Variants in CNTNAP2 observed in about 807,000 individuals in gnomAD.
CNTNAP2 encodes the protein contactin associated protein 2, also known as contactin-associated protein-like 2.
A neutral mutation model predicts 155.2 loss-of-function variants in CNTNAP2; 98 were observed. That is an observed-to-expected ratio of 0.63 (90% CI 0.54 to 0.75). CNTNAP2 has a LOEUF of 0.75. CNTNAP2 is among the 30% of genes least tolerant of loss of function. CNTNAP2 has a pLI of 0.00. For synonymous variants in CNTNAP2, 651 were observed against 631.2 expected (o/e 1.03, Z -0.47); for missense variants, 1,727 against 1,688.1 (o/e 1.02, Z -0.40).
At chr7:147,163,918 T>C (rs867755796) in intron 8 of CNTNAP2, among the ~76,000 whole-genome samples, 10 of 152,176 alleles carry the variant, frequency 6.6e-5, no homozygotes, top group South Asian at 2.1e-4. Flanking sequence ...AAAAATGAGA[T>C]TCATTCGAAA....
intron 1 of CNTNAP2, among the ~76,000 whole-genome samples, chr7:146,402,592 A>T (rs7790657): frequency 0.33 from 50,064 of 152,022 alleles, 8,492 homozygotes; most frequent in Admixed American, 0.45. Flanking sequence ...AATAATTATA[A>T]CACAAAGTGA....
chr7:147,133,269 T>C (rs1801412284), intron 8 of CNTNAP2, among the ~76,000 whole-genome samples: 1 of 152,118 alleles, frequency 6.6e-6, no homozygotes, highest in Non-Finnish European at 1.5e-5. Flanking sequence ...GTAACTGTTT[T>C]CATCTATTTT....
In CNTNAP2 at chr7:147,166,785, G is replaced by T. The variant is rs528452027; in HGVS notation, c.1348+34276G>T. Among the ~76,000 whole-genome samples, 514 of 152,172 alleles carry T rather than the reference G, an allele frequency of 3.4e-3. 4 individuals carry two copies. Among genetic ancestry groups the T allele is most frequent in the African/African-American group, 0.012 (496 of 41,492 alleles). The stretch of plus-strand genomic sequence containing the variant: ...CAAGGTACTCAGTAGGGGAGCTTTT[G>T]AGCCAGGATGAGCCAGAAGTAGGAA... On this transcript the variant is annotated intron_variant, in intron 8 of 23. Coordinates refer to ENST00000361727, the MANE Select transcript of CNTNAP2 (RefSeq NM_014141.6).
At chr7:147,173,222 A>G (rs1802267233) in intron 8 of CNTNAP2, among the ~76,000 whole-genome samples, 1 of 152,148 alleles carries the variant, frequency 6.6e-6, no homozygotes. Context: ...CATATTTAAA[A>G]ATGGATTTCT....
rs570363866 is a variant in CNTNAP2 at position 148,312,855 on chromosome 7, G to A, written c.3475+45729G>A. 2.6e-3 allele frequency among the ~76,000 whole-genome samples: 389 copies of A among 151,408 alleles called. 1 individual carries two copies. The highest frequency in any genetic ancestry group is 9.0e-3 in the African/African-American group (372 of 41,192). On this transcript the variant is annotated intron_variant, in intron 21 of 23. Coordinates refer to ENST00000361727, the MANE Select transcript of CNTNAP2 (RefSeq NM_014141.6). Reference sequence around the variant, plus strand: ...ATGGGATGGTAAGGGGTGCATGATCGGTCGCTAAGGAGGGAGTAGTGGTGT... The same window carrying A: ...ATGGGATGGTAAGGGGTGCATGATCAGTCGCTAAGGAGGGAGTAGTGGTGT...
chr7:147,507,399 A>G (rs1264383908), intron 11 of CNTNAP2, among the ~76,000 whole-genome samples: 1 of 152,028 alleles, frequency 6.6e-6, no homozygotes, highest in Non-Finnish European at 1.5e-5. Flanking sequence ...GCTCCTCCCC[A>G]CACCAGTCCA....
intron 22 of CNTNAP2, among the ~76,000 whole-genome samples, chr7:148,386,356 C>T (rs562697518): frequency 1.3e-5 from 2 of 152,122 alleles, no homozygotes; most frequent in South Asian, 4.2e-4. Flanking sequence ...GGTGAAAGCC[C>T]GTCTCTACTA....
At chr7:146,244,786 G>T (rs57314287) in intron 1 of CNTNAP2, among the ~76,000 whole-genome samples, 1 of 151,772 alleles carries the variant, frequency 6.6e-6, no homozygotes, top group Non-Finnish European at 1.5e-5. Context: ...AATGACTGCG[G>T]TGGCCTTCTC....
chr7:147,571,817 A>AT (rs1236914493), intron 12 of CNTNAP2, among the ~76,000 whole-genome samples: 3 of 151,836 alleles, frequency 2.0e-5, no homozygotes, highest in African/African-American at 7.3e-5. Context: ...CCCTCTACTC[A>AT]TTTTTATTTC....
chr7:147,737,558 C>T (rs10215979), intron 13 of CNTNAP2, among the ~76,000 whole-genome samples: 2,042 of 151,092 alleles, frequency 0.014, 37 homozygotes, highest in African/African-American at 0.045. Flanking sequence ...CAGACAGGGA[C>T]ATTTAAGTCT....
At chr7:146,569,735 T>C (rs1798412883) in intron 1 of CNTNAP2, among the ~76,000 whole-genome samples, 1 of 152,106 alleles carries the variant, frequency 6.6e-6, no homozygotes, top group Non-Finnish European at 1.5e-5. Flanking sequence ...TGAATAATAC[T>C]ACAGGAAAAA....
chr7:147,848,305 C>G (rs13226744), intron 13 of CNTNAP2, among the ~76,000 whole-genome samples: 1 of 146,360 alleles, frequency 6.8e-6, no homozygotes, highest in Admixed American at 7.2e-5. Flanking sequence ...CGTGGTGCGC[C>G]GTTTCTTAAG....
At chr7:147,326,138 A>T (rs887022628) in intron 9 of CNTNAP2, among the ~76,000 whole-genome samples, 1 of 152,102 alleles carries the variant, frequency 6.6e-6, no homozygotes, top group African/African-American at 2.4e-5. Flanking sequence ...GTTAGCCAGG[A>T]TGGTCTCGAT....
intron 21 of CNTNAP2, among the ~76,000 whole-genome samples, chr7:148,328,269 C>CG (rs1435362108): frequency 6.6e-6 from 1 of 151,998 alleles, no homozygotes; most frequent in Non-Finnish European, 1.5e-5. Flanking sequence ...CTTGTTGGCC[C>CG]GGGAAAGCTG....
chr7:146,335,602 G>A (rs1801260884), intron 1 of CNTNAP2, among the ~76,000 whole-genome samples: 1 of 152,160 alleles, frequency 6.6e-6, no homozygotes, highest in Non-Finnish European at 1.5e-5. Flanking sequence ...GTTTTCTCTG[G>A]AGAAAGGTCT....
intron 13 of CNTNAP2, among the ~76,000 whole-genome samples, chr7:147,723,823 C>T (rs768286510): frequency 5.9e-5 from 9 of 151,958 alleles, no homozygotes; most frequent in Admixed American, 1.3e-4. Flanking sequence ...CATTGCCTAA[C>T]GATCAAGTCA....
At chr7:146,230,598 G>A (rs1799367427) in intron 1 of CNTNAP2, among the ~76,000 whole-genome samples, 2 of 152,178 alleles carry the variant, frequency 1.3e-5, no homozygotes, top group South Asian at 4.1e-4. Flanking sequence ...GGTGAGTATA[G>A]CTTGGCTTTG....
intron 8 of CNTNAP2, among the ~76,000 whole-genome samples, chr7:147,204,795 A>T (rs572038251): frequency 2.0e-3 from 307 of 152,290 alleles, no homozygotes; most frequent in African/African-American, 7.0e-3. Flanking sequence ...AACTCATTTT[A>T]AAAAATGGAA....
chr7:147,170,244 A>C (rs1028856215), intron 8 of CNTNAP2, among the ~76,000 whole-genome samples: 1 of 152,050 alleles, frequency 6.6e-6, no homozygotes, highest in East Asian at 1.9e-4. Context: ...TTGGGGTGCA[A>C]TCCGTAGATG....
Sources: gnomAD v4.1 joint callset for allele counts (sites outside exome capture counted in the v4.1 genomes callset) on GRCh38, gnomAD v4.1.1 for gene constraint, MANE v1.5 for transcripts, NCBI Gene and HGNC (gene_info 2026-07-23, HGNC 2026-07-21) for gene names.